CACNA2D3: variants seen among roughly 807,000 people sequenced by gnomAD.
CACNA2D3 encodes calcium voltage-gated channel auxiliary subunit alpha2delta 3.
CACNA2D3 carries 60 observed loss-of-function variants against 160.6 expected under a neutral mutation model. The observed-to-expected ratio is 0.37, with a 90% confidence interval of 0.30 to 0.46. The LOEUF (loss-of-function observed/expected upper bound fraction) is 0.46, where lower values mean the gene tolerates loss of function less well. Among genes scored for constraint, CACNA2D3 ranks in the 20% least tolerant of loss-of-function variants. CACNA2D3 has a pLI of 1.00. For missense variants in CACNA2D3, 1,205 were observed against 1,365.0 expected, an observed-to-expected ratio of 0.88 and a Z score of 1.85; for synonymous variants, 558 against 492.9, an observed-to-expected ratio of 1.13 and a Z score of -1.75.
chr3:54,894,486 A>G (rs1317084519), intron 25 of CACNA2D3: 1 of 450,336 alleles, frequency 2.2e-6, no homozygotes, highest in Non-Finnish European at 4.5e-6. Flanking sequence ...AGTGAGGACC[A>G]CTTCATACCT....
At chr3:55,046,386 A>G (rs1323758000) in intron 35 of CACNA2D3, among the ~76,000 whole-genome samples, 2 of 106,892 alleles carry the variant, frequency 1.9e-5, no homozygotes, top group Non-Finnish European at 3.8e-5. Flanking sequence ...TTTACTGAGA[A>G]TGATGATTTC....
chr3:54,148,932 G>A (rs1700089318), intron 2 of CACNA2D3, among the ~76,000 whole-genome samples: 1 of 147,216 alleles, frequency 6.8e-6, no homozygotes, highest in African/African-American at 2.5e-5. Flanking sequence ...AGCTAAGATC[G>A]TGCCATTGTG....
At chr3:54,778,824 T>C (rs961998836) in intron 13 of CACNA2D3, among the ~76,000 whole-genome samples, 1 of 152,182 alleles carries the variant, frequency 6.6e-6, no homozygotes, top group Non-Finnish European at 1.5e-5. Context: ...AACATTTCAC[T>C]CAGCATGTAG....
At chr3:54,886,095 G>A (rs1699918283) in intron 23 of CACNA2D3, among the ~76,000 whole-genome samples, 1 of 152,016 alleles carries the variant, frequency 6.6e-6, no homozygotes. Context: ...TCTCTCAGCT[G>A]GTGCAAAAGA....
chr3:54,196,177 C>T (rs1255266799), intron 2 of CACNA2D3, among the ~76,000 whole-genome samples: 1 of 152,222 alleles, frequency 6.6e-6, no homozygotes, highest in Admixed American at 6.5e-5. Context: ...ATACGTATTA[C>T]TTTATTCTAA....
At chr3:54,800,040 T>G (rs1161539534) in intron 13 of CACNA2D3, among the ~76,000 whole-genome samples, 2 of 152,090 alleles carry the variant, frequency 1.3e-5, no homozygotes, top group Non-Finnish European at 2.9e-5. Flanking sequence ...AAATTAAGTT[T>G]TAATTAAAAC....
chr3:54,884,704 C>A (rs1461970923), intron 21 of CACNA2D3, among the ~76,000 whole-genome samples: 1 of 152,182 alleles, frequency 6.6e-6, no homozygotes, highest in South Asian at 2.1e-4. Flanking sequence ...CCTTCCCAGG[C>A]GGATGACCGT....
intron 11 of CACNA2D3, among the ~76,000 whole-genome samples, chr3:54,721,762 C>CAAAAAAA (rs34393649): frequency 2.8e-5 from 3 of 106,256 alleles, no homozygotes; most frequent in South Asian, 3.3e-4. Flanking sequence ...AACTCCATCT[C>CAAAAAAA]AAAAAAAAAA....
intron 6 of CACNA2D3, among the ~76,000 whole-genome samples, chr3:54,566,954 C>T (rs1297300333): frequency 6.6e-6 from 1 of 152,202 alleles, no homozygotes. Flanking sequence ...TCTTCCCTTC[C>T]ATGCCTTCCT....
chr3:54,755,951 AGTCTT>A (rs1701962164), intron 12 of CACNA2D3, among the ~76,000 whole-genome samples: 2 of 152,160 alleles, frequency 1.3e-5, no homozygotes, highest in African/African-American at 4.8e-5. Flanking sequence ...CTGAAATTGA[AGTCTT>A]GTCTTAATCA....
At chr3:54,840,688 C>T (rs1257052435) in intron 16 of CACNA2D3, among the ~76,000 whole-genome samples, 17 of 147,808 alleles carry the variant, frequency 1.2e-4, no homozygotes, top group African/African-American at 1.5e-4. Flanking sequence ...GGATTACAGG[C>T]GTGAGCCACT....
Position 54,131,043 on chromosome 3 carries a change from G to A in CACNA2D3, c.204+7449G>A, listed in dbSNP as rs755175872. ...TAAAATATGCAAAGCACTTAGCACT[G>A]TGCCTGGCACATTGGCTCCTGCCAG... On this transcript the variant is annotated intron_variant, in intron 2 of 37. Transcript: ENST00000474759. 3.0e-4 allele frequency among the ~76,000 whole-genome samples: 46 copies of A among 152,358 alleles called. 1 individual carries two copies. The highest frequency in any genetic ancestry group is 1.0e-3 in the South Asian group (5 of 4,830).
chr3:54,828,421 T>G (rs1191402739), intron 14 of CACNA2D3, among the ~76,000 whole-genome samples: 2 of 152,354 alleles, frequency 1.3e-5, no homozygotes, highest in East Asian at 3.9e-4. Context: ...ATCAGTGATA[T>G]TCTCATGACC....
chr3:54,248,126 A>G (rs537771480), intron 2 of CACNA2D3, among the ~76,000 whole-genome samples: 1 of 152,192 alleles, frequency 6.6e-6, no homozygotes, highest in East Asian at 1.9e-4. Flanking sequence ...CAATGTGACT[A>G]TATGTGGAGA....
intron 4 of CACNA2D3, among the ~76,000 whole-genome samples, chr3:54,474,166 G>A (rs976978233): frequency 1.3e-5 from 2 of 152,092 alleles, no homozygotes; most frequent in Non-Finnish European, 2.9e-5. Flanking sequence ...CATCAGTGAT[G>A]GACAGGATAA....
intron 18 of CACNA2D3, among the ~76,000 whole-genome samples, chr3:54,873,883 A>G (rs1272545085): frequency 1.3e-5 from 2 of 152,234 alleles, no homozygotes; most frequent in Non-Finnish European, 2.9e-5. Context: ...GAATTCTGGA[A>G]TCTACAGAAA....
At position 54,837,198 on chromosome 3, in the gene CACNA2D3, G is replaced by A. The variant is rs757995119; in HGVS notation, c.1438G>A (p.Ala480Thr). 1 of 1,613,940 alleles carries A rather than the reference G, an allele frequency of 6.2e-7. No homozygotes were observed. Among genetic ancestry groups the A allele is most frequent in the South Asian group, 1.1e-5 (1 of 91,082 alleles). Residue 480 changes from alanine (A) to threonine (T), a missense_variant, in exon 15 of 38, where the codon GCC becomes ACC. By Grantham distance (58) the Ala-to-Thr change is moderately conservative (BLOSUM62 0). This residue lies in a region of CACNA2D3 where 911 missense variants were observed against 1,002.2 expected (regional missense o/e 0.91). Transcript: ENST00000474759. ...DQGPVLMTTVAMPVFSKQNET... is the reference protein window; with the variant it reads ...DQGPVLMTTVTMPVFSKQNET... Reference sequence around the variant, plus strand: ...GGGCCCCGTCCTGATGACCACTGTAGCCATGCCTGTGTTTAGTAAGCAGAA... The same window carrying A: ...GGGCCCCGTCCTGATGACCACTGTAACCATGCCTGTGTTTAGTAAGCAGAA...
At chr3:54,583,306 A>G (rs1290857569) in intron 9 of CACNA2D3, among the ~76,000 whole-genome samples, 1 of 152,202 alleles carries the variant, frequency 6.6e-6, no homozygotes, top group Non-Finnish European at 1.5e-5. Context: ...AGTTTTATGA[A>G]TGAAAAAAAG....
chr3:54,780,950 G>A (rs1177440230), intron 13 of CACNA2D3, among the ~76,000 whole-genome samples: 2 of 152,154 alleles, frequency 1.3e-5, no homozygotes, highest in Admixed American at 6.5e-5. Context: ...ATGACAATAC[G>A]TATGTAACAA....
Sources: gnomAD v4.1 joint callset for allele counts (sites outside exome capture counted in the v4.1 genomes callset) on GRCh38, gnomAD v4.1.1 for gene constraint, gnomAD v4.1.1 regional missense constraint, MANE v1.5 for transcripts, NCBI Gene and HGNC (gene_info 2026-07-23, HGNC 2026-07-21) for gene names.